HOOK3: variants seen among roughly 807,000 people sequenced by gnomAD.
The protein encoded by HOOK3 is protein Hook homolog 3.
In HOOK3, 24 loss-of-function variants were observed where a neutral mutation model predicts 116.3. The ratio of observed to expected loss-of-function variants is 0.21; its 90% CI spans 0.15 to 0.29. HOOK3 has a LOEUF of 0.29. Ranked by LOEUF, HOOK3 falls within the 10% of genes least tolerant of loss-of-function variation. HOOK3 has a pLI of 1.00. For synonymous variants in HOOK3, 275 were observed against 283.0 expected (o/e 0.97, Z 0.28); for missense variants, 632 against 830.2 (o/e 0.76, Z 2.93).
At chr8:42,964,257 G>C (rs1169203962) in intron 8 of HOOK3, 54 bp from the exon 9 acceptor site, 2 of 1,537,494 alleles carry the variant, frequency 1.3e-6, no homozygotes, top group Non-Finnish European at 1.8e-6. Context: ...AAGTGATTGA[G>C]CTGATGCCAG....
chr8:42,918,910 C>G (rs549325044), intron 2 of HOOK3, among the ~76,000 whole-genome samples: 11 of 152,370 alleles, frequency 7.2e-5, no homozygotes, highest in African/African-American at 2.4e-4. Context: ...GTCATCATGG[C>G]CCGTTCTCAA....
At chr8:42,905,055 C>T (rs1377848059) in intron 1 of HOOK3, among the ~76,000 whole-genome samples, 1 of 152,104 alleles carries the variant, frequency 6.6e-6, no homozygotes, top group African/African-American at 2.4e-5. Context: ...AAGTACATTT[C>T]TTGGCTACAT....
intron 16 of HOOK3, chr8:42,997,971 G>T: frequency 4.1e-6 from 1 of 242,286 alleles, no homozygotes; most frequent in Non-Finnish European, 8.1e-6. Context: ...ATTGCTAGTG[G>T]GAATTTGGAG....
intron 21 of HOOK3, among the ~76,000 whole-genome samples, chr8:43,017,663 G>C (rs951973884): frequency 3.3e-5 from 5 of 152,148 alleles, no homozygotes; most frequent in Admixed American, 2.0e-4. Context: ...CCTTTAGTAA[G>C]TAGTGTCATT....
intron 6 of HOOK3, among the ~76,000 whole-genome samples, chr8:42,951,411 T>C (rs1563299494): frequency 6.6e-6 from 1 of 152,110 alleles, no homozygotes; most frequent in Non-Finnish European, 1.5e-5. Flanking sequence ...TAACTGGTGG[T>C]TTCCTGTTTG....
chr8:42,935,674 C>T (rs1489100882), intron 4 of HOOK3, among the ~76,000 whole-genome samples: 1 of 152,136 alleles, frequency 6.6e-6, no homozygotes, highest in Non-Finnish European at 1.5e-5. Flanking sequence ...TTGTTTTTGT[C>T]AGGTTTGTCA....
intron 2 of HOOK3, among the ~76,000 whole-genome samples, chr8:42,909,398 C>T (rs1053475907): frequency 1.3e-5 from 2 of 152,182 alleles, no homozygotes; most frequent in African/African-American, 4.8e-5. Flanking sequence ...AACATAAGTG[C>T]CTATTAGCGA....
chr8:42,957,186 G>GAA (rs776335773), intron 7 of HOOK3, 30 bp downstream of exon 7: 1 of 1,320,112 alleles, frequency 7.6e-7, no homozygotes, highest in African/African-American at 1.4e-5. Context: ...TTTTATTCAT[G>GAA]AAAAGGTTGA....
Position 43,027,800 on chromosome 8 carries a change from G to A in HOOK3, c.*9302G>A. On this transcript the variant is annotated 3_prime_UTR_variant, in exon 22 of 22. Transcript: ENST00000307602. ...AAAACTATAGTTTCTCAGTGGCCTA[G>A]CCACATTTCAAGTGTTCCACAGTCA... is the stretch of plus-strand genomic sequence containing the variant. 1 of 206,676 alleles carries A rather than the reference G, an allele frequency of 4.8e-6. No homozygotes were observed. The highest frequency in any genetic ancestry group is 9.9e-6 in the Non-Finnish European group (1 of 100,948). 12.8% of individuals were successfully genotyped at this position (206,676 alleles called of 1,614,324 possible).
chr8:42,904,306 CTTTTTTTT>C (rs753501072), intron 1 of HOOK3, among the ~76,000 whole-genome samples: 1 of 122,422 alleles, frequency 8.2e-6, no homozygotes, highest in African/African-American at 3.1e-5. Context: ...CCGGTATGAT[CTTTTTTTT>C]TTTTTTTTTT....
chr8:43,016,692 A>G (rs1010347145), intron 21 of HOOK3, among the ~76,000 whole-genome samples: 2 of 152,256 alleles, frequency 1.3e-5, no homozygotes, highest in African/African-American at 4.8e-5. Flanking sequence ...ATATTTAAAT[A>G]AAATACAAAT....
intron 4 of HOOK3, among the ~76,000 whole-genome samples, chr8:42,932,040 A>G (rs1021500925): frequency 6.6e-6 from 1 of 152,054 alleles, no homozygotes; most frequent in African/African-American, 2.4e-5. Flanking sequence ...GTGCCTGGCC[A>G]CCCCATTATA....
chr8:42,958,762 C>T (rs1044076977), intron 7 of HOOK3, among the ~76,000 whole-genome samples: 1 of 152,014 alleles, frequency 6.6e-6, no homozygotes, highest in Non-Finnish European at 1.5e-5. Flanking sequence ...TATCCCTCCC[C>T]TTGCCTTGCC....
At chr8:43,002,571 A>G (rs914397173) in intron 17 of HOOK3, among the ~76,000 whole-genome samples, 1 of 152,260 alleles carries the variant, frequency 6.6e-6, no homozygotes, top group East Asian at 1.9e-4. Context: ...GTAAAACTTT[A>G]TAGATACGAA....
chr8:42,995,440 T>C (rs1219049330), intron 15 of HOOK3, among the ~76,000 whole-genome samples: 2 of 152,226 alleles, frequency 1.3e-5, no homozygotes, highest in Non-Finnish European at 2.9e-5. Flanking sequence ...AAATTTTTTA[T>C]TTCAATAATA....
At chr8:43,008,910 C>A (rs1809549474) in intron 18 of HOOK3, among the ~76,000 whole-genome samples, 1 of 151,446 alleles carries the variant, frequency 6.6e-6, no homozygotes. Flanking sequence ...CCGCCCGCCT[C>A]GGCCTCCCAA....
Position 43,020,028 on chromosome 8 carries a change from A to C in HOOK3, c.*1530A>C, listed in dbSNP as rs1270367048. 1 of 198,616 alleles carries C rather than the reference A, an allele frequency of 5.0e-6. No individual in the cohort carries two copies. The highest frequency in any genetic ancestry group is 1.0e-5 in the Non-Finnish European group (1 of 96,124). 12.3% of individuals were successfully genotyped at this position (198,616 alleles called of 1,614,324 possible). ...AAGCTAAATGTAATTAAGAATTTTCAGCAACTATATTCAAGTGTTTGATTT... is the reference window on the plus strand; with the variant it reads ...AAGCTAAATGTAATTAAGAATTTTCCGCAACTATATTCAAGTGTTTGATTT... On this transcript the variant is annotated 3_prime_UTR_variant, in exon 22 of 22. Transcript: ENST00000307602.
At chr8:42,939,258 C>A (rs577166968) in intron 4 of HOOK3, among the ~76,000 whole-genome samples, 1 of 152,168 alleles carries the variant, frequency 6.6e-6, no homozygotes, top group African/African-American at 2.4e-5. Context: ...GGGTGGTGGC[C>A]GGGAAGAGGG....
intron 6 of HOOK3, among the ~76,000 whole-genome samples, chr8:42,955,304 T>TG (rs1404124109): frequency 1.3e-5 from 2 of 152,180 alleles, no homozygotes; most frequent in East Asian, 3.9e-4. Flanking sequence ...GGGCTGCCTG[T>TG]GGGTCTTGAG....
Sources: gnomAD v4.1 joint callset for allele counts (sites outside exome capture counted in the v4.1 genomes callset) on GRCh38, gnomAD v4.1.1 for gene constraint, MANE v1.5 for transcripts, NCBI Gene and HGNC (gene_info 2026-07-23, HGNC 2026-07-21) for gene names.